RIT2: variants seen among roughly 807,000 people sequenced by gnomAD.
The protein encoded by RIT2 is GTP-binding protein Rit2.
In RIT2, 24 loss-of-function variants were observed where a neutral mutation model predicts 23.7. The ratio of observed to expected loss-of-function variants is 1.01; its 90% CI spans 0.73 to 1.43. The LOEUF is 1.43. RIT2 is among the 40% of genes most tolerant of loss of function. The pLI is 0.00. For synonymous variants in RIT2, 107 were observed against 91.1 expected (o/e 1.17, Z -0.99); for missense variants, 236 against 266.9 (o/e 0.88, Z 0.81).
chr18:42,771,156 C>A (rs1232590993), intron 4 of RIT2, among the ~76,000 whole-genome samples: 1 of 151,972 alleles, frequency 6.6e-6, no homozygotes, highest in Non-Finnish European at 1.5e-5. Flanking sequence ...TGCTAGTTTT[C>A]CCTTCATTAT....
chr18:42,922,187 C>T (rs1909071551), intron 4 of RIT2, among the ~76,000 whole-genome samples: 1 of 152,114 alleles, frequency 6.6e-6, no homozygotes, highest in Non-Finnish European at 1.5e-5. Context: ...GAAATACGTT[C>T]CCGGTTAAAC....
At chr18:42,929,718 T>C (rs1909279025) in intron 3 of RIT2, among the ~76,000 whole-genome samples, 1 of 152,138 alleles carries the variant, frequency 6.6e-6, no homozygotes, top group Admixed American at 6.5e-5. Context: ...TTAAAACAAG[T>C]GCAATGCCCT....
intron 1 of RIT2, among the ~76,000 whole-genome samples, chr18:43,068,446 G>A (rs936526120): frequency 1.3e-5 from 2 of 152,022 alleles, no homozygotes; most frequent in African/African-American, 2.4e-5. Context: ...GAAACCCAGG[G>A]AACAGCAGCA....
chr18:42,755,965 GT>G (rs1172896799), intron 4 of RIT2, among the ~76,000 whole-genome samples: 1 of 152,060 alleles, frequency 6.6e-6, no homozygotes, highest in African/African-American at 2.4e-5. Context: ...ATTTAGGTTG[GT>G]GAGGGGAGGT....
At chr18:42,909,318 C>T (rs192335426) in intron 4 of RIT2, among the ~76,000 whole-genome samples, 350 of 152,102 alleles carry the variant, frequency 2.3e-3, no homozygotes, top group Non-Finnish European at 3.4e-3. Context: ...TGAGGACTCA[C>T]GGGTTGGACT....
At chr18:43,025,184 G>A (rs1340353534) in intron 2 of RIT2, among the ~76,000 whole-genome samples, 1 of 149,644 alleles carries the variant, frequency 6.7e-6, no homozygotes, top group Non-Finnish European at 1.5e-5. Flanking sequence ...CTTTCAGCCT[G>A]AGTGACAGAG....
At chr18:42,923,802 A>T in intron 3 of RIT2, 39 bp from the exon 4 acceptor site, 1 of 1,461,862 alleles carries the variant, frequency 6.8e-7, no homozygotes, top group Non-Finnish European at 9.4e-7. Flanking sequence ...ATGGGCTTTC[A>T]ATATAGCTAA....
chr18:42,751,347 T>C (rs1913041016), intron 4 of RIT2, among the ~76,000 whole-genome samples: 1 of 151,904 alleles, frequency 6.6e-6, no homozygotes, highest in South Asian at 2.1e-4. Context: ...ATATCTATAG[T>C]ACATATATAG....
chr18:42,885,954 G>A lies in RIT2; in HGVS notation c.426+37618C>T, dbSNP rs547583444. On this transcript the variant is annotated intron_variant, in intron 4 of 4. Transcript: ENST00000326695. ...TCTCTGACATTATCATGAAGGGGCC[G>A]GAGTCCAACAGCTCAGTATCTTTTC... Among the ~76,000 whole-genome samples the A allele has an allele frequency of 1.8e-4, 27 of 152,256 alleles. 1 individual carries two copies. The highest frequency in any genetic ancestry group is 5.1e-4 in the African/African-American group (21 of 41,550).
chr18:42,947,842 CA>C (rs1163566888), intron 3 of RIT2, among the ~76,000 whole-genome samples: 3 of 151,898 alleles, frequency 2.0e-5, no homozygotes, highest in Non-Finnish European at 2.9e-5. Context: ...ACATTTAAGT[CA>C]AAAGAAGAAT....
At chr18:42,833,202 A>T (rs1906509076) in intron 4 of RIT2, among the ~76,000 whole-genome samples, 1 of 152,114 alleles carries the variant, frequency 6.6e-6, no homozygotes, top group African/African-American at 2.4e-5. Flanking sequence ...CCTCTATGAA[A>T]TCAGTCTTTT....
chr18:43,063,995 C>A (rs1376664041), intron 1 of RIT2, among the ~76,000 whole-genome samples: 1 of 152,026 alleles, frequency 6.6e-6, no homozygotes, highest in African/African-American at 2.4e-5. Flanking sequence ...AAATTTACGT[C>A]CAGAGAAGGT....
chr18:43,006,248 A>G (rs1015204745), intron 2 of RIT2, among the ~76,000 whole-genome samples: 6 of 151,692 alleles, frequency 4.0e-5, no homozygotes, highest in Non-Finnish European at 7.4e-5. Context: ...ATTTTATATA[A>G]AAGTGTATAA....
At chr18:43,092,661 T>C (rs1913451324) in intron 1 of RIT2, among the ~76,000 whole-genome samples, 1 of 152,036 alleles carries the variant, frequency 6.6e-6, no homozygotes, top group Non-Finnish European at 1.5e-5. Flanking sequence ...AGGAGCCCCA[T>C]ATTAACTGTT....
intron 4 of RIT2, among the ~76,000 whole-genome samples, chr18:42,881,137 C>A (rs1408899731): frequency 6.6e-6 from 1 of 152,132 alleles, no homozygotes; most frequent in Non-Finnish European, 1.5e-5. Context: ...ATCCCACATC[C>A]TGCTGCCTCT....
intron 4 of RIT2, among the ~76,000 whole-genome samples, chr18:42,782,581 T>C (rs1160702540): frequency 1.3e-5 from 2 of 152,092 alleles, no homozygotes; most frequent in Non-Finnish European, 2.9e-5. Flanking sequence ...GCTTTATAAG[T>C]GTAAGACAAT....
chr18:42,929,898 C>A (rs1460312145), intron 3 of RIT2, among the ~76,000 whole-genome samples: 1 of 152,070 alleles, frequency 6.6e-6, no homozygotes, highest in Admixed American at 6.6e-5. Flanking sequence ...GTTCAGAAGC[C>A]AAGTCACTAC....
chr18:43,045,008 T>G (rs1912213199), intron 1 of RIT2, among the ~76,000 whole-genome samples: 1 of 152,204 alleles, frequency 6.6e-6, no homozygotes, highest in South Asian at 2.1e-4. Context: ...TTATTTGCTG[T>G]ATGCTGACAG....
chr18:42,761,759 C>A (rs1393581939), intron 4 of RIT2, among the ~76,000 whole-genome samples: 1 of 152,156 alleles, frequency 6.6e-6, no homozygotes, highest in Non-Finnish European at 1.5e-5. Flanking sequence ...CTCAGTACAA[C>A]CTTTGCCTCC....
Sources: gnomAD v4.1 joint callset for allele counts (sites outside exome capture counted in the v4.1 genomes callset) on GRCh38, gnomAD v4.1.1 for gene constraint, MANE v1.5 for transcripts, NCBI Gene and HGNC (gene_info 2026-07-23, HGNC 2026-07-21) for gene names.